The following RIF1 variants were observed in gnomAD, a reference collection of about 807,000 sequenced individuals.
The protein encoded by RIF1 is replication timing regulatory factor 1.
A neutral mutation model predicts 247.1 loss-of-function variants in RIF1; 45 were observed. That is an observed-to-expected ratio of 0.18 (90% CI 0.14 to 0.23). The LOEUF (loss-of-function observed/expected upper bound fraction) is 0.23, where lower values mean the gene tolerates loss of function less well. RIF1 is among the 10% of genes least tolerant of loss of function. The pLI is 1.00. For missense variants in RIF1, 2,967 were observed against 2,862.5 expected (o/e 1.04, Z -0.83); for synonymous variants, 1,087 against 978.8 (o/e 1.11, Z -2.06).
chr2:151,437,022 A>G lies in RIF1; in HGVS notation c.1372+19A>G. 1.3e-6 allele frequency: 2 copies of G among 1,590,330 alleles called. No homozygotes were observed. Among genetic ancestry groups the G allele is most frequent in the Non-Finnish European group, 8.6e-7 (1 of 1,166,804 alleles). On this transcript the variant is annotated intron_variant, in intron 12 of 35. Coordinates refer to ENST00000444746, the MANE Select transcript of RIF1 (RefSeq NM_018151.5). ...AGCTTAGGTATTTAAAGGTTTTAAG[A>G]ATAATTTTAATTACTAAAACAGTCT...
intron 2 of RIF1, 139 bp from the exon 3 acceptor site, chr2:151,411,121 C>G: frequency 3.3e-6 from 2 of 611,264 alleles, no homozygotes; most frequent in Non-Finnish European, 5.9e-6. Flanking sequence ...TTCTGTATAC[C>G]CTTAAGGACC....
intron 10 of RIF1, chr2:151,498,491 C>T: frequency 1.6e-6 from 1 of 620,956 alleles, no homozygotes; most frequent in Non-Finnish European, 2.8e-6. Flanking sequence ...TAGACTCAAC[C>T]TGTTTGTTTG....
Position 151,506,429 on chromosome 2 carries a change from A to G in RIF1, c.*1027+54A>G, listed in dbSNP as rs1304491968. On this transcript the variant is annotated intron_variant and NMD_transcript_variant, in intron 13 of 13. Coordinates refer to the RIF1 transcript ENST00000454583. ...TTCCATGTCAGTATCAGTGACTCAGACCAGTTATACAACATGGATCTTTCC... is the reference window on the plus strand; with the variant it reads ...TTCCATGTCAGTATCAGTGACTCAGGCCAGTTATACAACATGGATCTTTCC... 5 of 591,156 alleles carry G rather than the reference A, an allele frequency of 8.5e-6. No homozygotes were observed. The Admixed American group carries it at 1.5e-4, about 18-fold the overall frequency. 36.6% of individuals were successfully genotyped at this position (591,156 alleles called of 1,614,324 possible).
Position 151,462,985 on chromosome 2 carries a change from T to C in RIF1, c.3465T>C (p.Cys1155=), listed in dbSNP as rs758014579. The C allele has an allele frequency of 1.2e-5, 19 of 1,613,888 alleles. No homozygotes were observed. Among genetic ancestry groups the C allele is most frequent in the South Asian group, 8.8e-5 (8 of 91,076 alleles). ...LEKSSLSNNE[C]GSLDKTSPEM... The stretch of plus-strand genomic sequence containing the variant: ...AGTCCTCCCTTTCGAATAATGAGTG[T>C]GGTTCTCTTGACAAAACCAGTCCAG... Residue 1155 remains cysteine, a synonymous_variant, in exon 30 of 36, where the codon TGT becomes TGC. Transcript: ENST00000444746.
intron 10 of RIF1, chr2:151,497,229 G>A (rs533823410): frequency 2.5e-6 from 2 of 794,158 alleles, no homozygotes; most frequent in African/African-American, 3.8e-5. Flanking sequence ...GCACCCTCTA[G>A]AGAAGCAGGG....
At position 151,465,961 on chromosome 2, in the gene RIF1, A is replaced by T; in HGVS notation, c.6441A>T (p.Lys2147Asn). The T allele has an allele frequency of 1.2e-6, 2 of 1,614,116 alleles. No individual in the cohort carries two copies. Among genetic ancestry groups the T allele is most frequent in the Non-Finnish European group, 1.7e-6 (2 of 1,179,970 alleles). Residue 2147 changes from lysine (K) to asparagine (N), a missense_variant, in exon 30 of 36, where the codon AAA becomes AAT. By Grantham distance (94) the Lys-to-Asn change is moderately conservative (BLOSUM62 0). Around this residue, in one of 7 missense-constraint regions of RIF1, gnomAD observed 2,028 missense variants for 1,825.6 expected, o/e 1.11. Transcript: ENST00000444746. ...IIEDNNASPQ[K>N]LRELDPSLVS... is the part of the protein sequence containing the mutation. ...AAGACAATAATGCATCTCCTCAAAA[A>T]CTAAGGGAACTTGATCCTTCACTTG...
At chr2:151,446,635 A>G in intron 20 of RIF1, 60 bp downstream of exon 20, 2 of 1,522,138 alleles carry the variant, frequency 1.3e-6, no homozygotes, top group Non-Finnish European at 1.8e-6. Context: ...TTTCAAGTAA[A>G]TGGAGATAAT....
Position 151,466,137 on chromosome 2 carries a change from T to C in RIF1, c.6600+17T>C, listed in dbSNP as rs1306845538. On this transcript the variant is annotated intron_variant, in intron 30 of 35. Coordinates refer to ENST00000444746, the MANE Select transcript of RIF1 (RefSeq NM_018151.5). ...GTTAATAAGGTAAGGGGAATGAGGC[T>C]AAATATTAAGGAACCCAGTATTTGG... The C allele has an allele frequency of 6.8e-7, 1 of 1,461,992 alleles. No homozygotes were observed. The highest frequency in any genetic ancestry group is 2.3e-5 in the East Asian group (1 of 43,740). 90.6% of individuals were successfully genotyped at this position (1,461,992 alleles called of 1,614,324 possible).
the RIF1 span, among the ~76,000 whole-genome samples, chr2:151,534,027 C>T: frequency 6.6e-6 from 1 of 152,208 alleles, no homozygotes; most frequent in Non-Finnish European, 1.5e-5. Context: ...CAAGTGAGAA[C>T]ACAGAGCATG....
chr2:151,499,388 C>A lies in RIF1; in HGVS notation c.*557C>A, dbSNP rs2062732152. 1 of 1,518,030 alleles carries A rather than the reference C, an allele frequency of 6.6e-7. No homozygotes were observed. 94.0% of individuals were successfully genotyped at this position (1,518,030 alleles called of 1,614,324 possible). On this transcript the variant is annotated 3_prime_UTR_variant and NMD_transcript_variant, in exon 11 of 14. Transcript: ENST00000454583. ...CTTTTCCAACGTTTTCTTTATACAA[C>A]ACCTGTATGACACAAGAAAGCATCC...
intron 10 of RIF1, among the ~76,000 whole-genome samples, chr2:151,434,359 C>T (rs1194083948): frequency 4.6e-5 from 7 of 151,592 alleles, no homozygotes; most frequent in Non-Finnish European, 7.4e-5. Context: ...CATATCCTTA[C>T]TGGCATTTAG....
intron 12 of RIF1, among the ~76,000 whole-genome samples, chr2:151,504,431 G>A (rs1431161444): frequency 6.6e-6 from 1 of 152,188 alleles, no homozygotes; most frequent in Non-Finnish European, 1.5e-5. Context: ...TGACAAAGGA[G>A]CCTAGGCTAG....
the RIF1 span, among the ~76,000 whole-genome samples, chr2:151,529,836 A>G: frequency 1.3e-5 from 2 of 152,106 alleles, no homozygotes; most frequent in African/African-American, 2.4e-5. Context: ...AGCCTGCCAT[A>G]TAATTTTTGT....
chr2:151,423,339 GGT>G (rs1688487854), intron 8 of RIF1: 1 of 250,546 alleles, frequency 4.0e-6, no homozygotes, highest in Non-Finnish European at 7.5e-6. Flanking sequence ...ACCTTAAACA[GGT>G]GTCCTTTTTA....
At chr2:151,522,064 G>A in the RIF1 span, among the ~76,000 whole-genome samples, 251 of 152,244 alleles carry the variant, frequency 1.6e-3, 1 homozygote, top group Non-Finnish European at 2.5e-3. Context: ...GCCATGTCTC[G>A]GCAAGTGGCA....
chr2:151,496,060 C>A (rs755703654), intron 10 of RIF1, among the ~76,000 whole-genome samples: 1 of 152,088 alleles, frequency 6.6e-6, no homozygotes, highest in Non-Finnish European at 1.5e-5. Context: ...ATAGGAAAAT[C>A]TGTTACTTCT....
At chr2:151,444,830 T>G (rs180931655) in intron 18 of RIF1, among the ~76,000 whole-genome samples, 1 of 152,300 alleles carries the variant, frequency 6.6e-6, no homozygotes, top group East Asian at 1.9e-4. Flanking sequence ...TTTCCCCAGA[T>G]TGCAATTAAC....
chr2:151,446,297 C>T, intron 19 of RIF1, 129 bp from the exon 20 acceptor site: 1 of 870,172 alleles, frequency 1.1e-6, no homozygotes, highest in South Asian at 1.7e-5. Context: ...CTGCACCCGG[C>T]CGTTAGTGTC....
At chr2:151,423,094 A>G (rs1688443774) in intron 8 of RIF1, 52 bp downstream of exon 8, 1 of 955,344 alleles carries the variant, frequency 1.0e-6, no homozygotes, top group South Asian at 1.4e-5. Context: ...TGGACTCTTT[A>G]TTTTCTTACC....
Sources: allele counts gnomAD v4.1 joint callset (sites outside exome capture counted in the v4.1 genomes callset), GRCh38; gene constraint gnomAD v4.1.1; regional missense constraint gnomAD v4.1.1; transcripts MANE v1.5; gene names NCBI Gene and HGNC (gene_info 2026-07-23, HGNC 2026-07-21).